CDC27: variants seen among roughly 807,000 people sequenced by gnomAD.
CDC27 encodes the protein cell division cycle 27.
CDC27 carries 27 observed loss-of-function variants against 109.7 expected under a neutral mutation model. That is an observed-to-expected ratio of 0.25 (90% CI 0.18 to 0.34). CDC27 has a LOEUF of 0.34. Among genes scored for constraint, CDC27 ranks in the 10% least tolerant of loss-of-function variants. CDC27 has a pLI of 1.00. For synonymous variants in CDC27, 266 were observed against 333.9 expected, an observed-to-expected ratio of 0.80 and a Z score of 2.22; for missense variants, 579 against 960.2, an observed-to-expected ratio of 0.60 and a Z score of 5.25.
At chr17:47,131,659 A>T (rs989111176) in intron 15 of CDC27, among the ~76,000 whole-genome samples, 1 of 151,304 alleles carries the variant, frequency 6.6e-6, no homozygotes, top group South Asian at 2.1e-4. Flanking sequence ...TTCTCCTGTT[A>T]AAGTAAAATT....
intron 15 of CDC27, among the ~76,000 whole-genome samples, chr17:47,130,178 G>A (rs543620103): frequency 2.0e-5 from 3 of 152,160 alleles, no homozygotes; most frequent in African/African-American, 7.2e-5. Context: ...TGGCTAACAC[G>A]GTGAAACCCC....
chr17:47,177,281 T>C (rs2148988333), intron 2 of CDC27, among the ~76,000 whole-genome samples: 1 of 152,172 alleles, frequency 6.6e-6, no homozygotes, highest in Admixed American at 6.5e-5. Flanking sequence ...AAAGTACTAA[T>C]ATTAAAAAAT....
chr17:47,160,453 T>C (rs993591643), intron 4 of CDC27, among the ~76,000 whole-genome samples: 1 of 152,134 alleles, frequency 6.6e-6, no homozygotes, highest in Non-Finnish European at 1.5e-5. Context: ...TTTGAACTCC[T>C]GGACTCAAGT....
At chr17:47,151,956 G>T (rs777753298) in intron 8 of CDC27, 38 bp from the exon 9 acceptor site, 1 of 1,560,888 alleles carries the variant, frequency 6.4e-7, no homozygotes, top group Non-Finnish European at 8.7e-7. Flanking sequence ...GTGAATTATG[G>T]GCTGCACTGT....
At chr17:47,130,704 C>T (rs1380774127) in intron 15 of CDC27, among the ~76,000 whole-genome samples, 1 of 151,786 alleles carries the variant, frequency 6.6e-6, no homozygotes, top group African/African-American at 2.4e-5. Context: ...ATGAAACCCC[C>T]GTCTCTACTA....
rs533709313 is a variant in CDC27, at chr17:47,135,650, G to A, written c.1913+1502C>T. Among the ~76,000 whole-genome samples the A allele has an allele frequency of 2.2e-3, 331 of 152,200 alleles. 4 individuals are homozygous for A. Among genetic ancestry groups the A allele is most frequent in the African/African-American group, 7.4e-3 (306 of 41,556 alleles). On this transcript the variant is annotated intron_variant, in intron 14 of 18. Transcript: ENST00000066544. The stretch of plus-strand genomic sequence containing the variant: ...GCTCAGTATTTAGTTACCTAAATAC[G>A]TCAGCATTTAAACTCCTCCTAGTAA...
At position 47,142,062 on chromosome 17, in the gene CDC27, G is replaced by A. The variant is rs776528390; in HGVS notation, c.1379-37C>T. 4.9e-6 allele frequency: 7 copies of A among 1,437,540 alleles called. No individual in the cohort carries two copies. In the East Asian group the frequency reaches 7.0e-5, roughly 14 times the overall value. 89.0% of individuals were successfully genotyped at this position (1,437,540 alleles called of 1,614,324 possible). The stretch of plus-strand genomic sequence containing the variant: ...CAACATAGTAAACAAAGGAAAAAAC[G>A]CAATAAACTAGTCTGCTTCTCTAGA... On this transcript the variant is annotated intron_variant, in intron 11 of 18. Coordinates refer to ENST00000066544, the MANE Select transcript of CDC27 (RefSeq NM_001256.6).
At chr17:47,184,248 C>T (rs2064346527) in intron 1 of CDC27, among the ~76,000 whole-genome samples, 1 of 152,126 alleles carries the variant, frequency 6.6e-6, no homozygotes, top group Admixed American at 6.5e-5. Context: ...TGAAATGATC[C>T]ATTTATAATG....
At position 47,181,546 on chromosome 17, in the gene CDC27, T is replaced by G. The variant is rs1336930677; in HGVS notation, c.103+16A>C. Reference sequence around the variant, plus strand: ...TTATTCATTTATCATTCTACAGCAATGAATAGATTTCAAACCTTCTGCATA... The same window carrying G: ...TTATTCATTTATCATTCTACAGCAAGGAATAGATTTCAAACCTTCTGCATA... On this transcript the variant is annotated intron_variant, in intron 2 of 18. Transcript: ENST00000066544. The G allele has an allele frequency of 3.4e-6, 5 of 1,458,260 alleles. No homozygotes were observed. Among genetic ancestry groups the G allele is most frequent in the Non-Finnish European group, 3.8e-6 (4 of 1,041,100 alleles). The allele number at this position is 1,458,260 out of a possible 1,614,324, so 90.3% of individuals were successfully genotyped here.
intron 9 of CDC27, among the ~76,000 whole-genome samples, chr17:47,146,813 C>A (rs2062971779): frequency 6.6e-6 from 1 of 152,054 alleles, no homozygotes; most frequent in Admixed American, 6.6e-5. Context: ...ACCTGTAATC[C>A]CAACAACTCG....
chr17:47,134,264 GATA>G (rs1294051027), intron 14 of CDC27, among the ~76,000 whole-genome samples: 1 of 149,048 alleles, frequency 6.7e-6, no homozygotes. Context: ...ATCAAACTAT[GATA>G]ATAAGGAAAA....
At chr17:47,121,702 C>T (rs1264399042) in intron 18 of CDC27, among the ~76,000 whole-genome samples, 2 of 151,516 alleles carry the variant, frequency 1.3e-5, no homozygotes, top group East Asian at 1.9e-4. Context: ...TGAGTAGCTG[C>T]GATTACATAC....
chr17:47,170,327 A>C (rs2063776526), intron 3 of CDC27: 1 of 192,420 alleles, frequency 5.2e-6, no homozygotes, highest in South Asian at 1.6e-4. Flanking sequence ...CCTTGTGAGT[A>C]GCTGGGACTA....
At chr17:47,144,635 A>G (rs1356463137) in intron 9 of CDC27, among the ~76,000 whole-genome samples, 2 of 152,230 alleles carry the variant, frequency 1.3e-5, no homozygotes, top group African/African-American at 4.8e-5. Context: ...GCAAACCCTG[A>G]GATATGAGAA....
Position 47,169,916 on chromosome 17 carries a change from C to A in CDC27, c.377+1G>T. On this transcript the variant is annotated splice_donor_variant, in intron 4 of 18. Coordinates refer to ENST00000066544, the MANE Select transcript of CDC27 (RefSeq NM_001256.6). LOFTEE classifies it high-confidence loss of function. ...TGACAGTTTGAATCATTCTTACTTACCAATATACATGTCCCAACAATGAAA... is the reference window on the plus strand; with the variant it reads ...TGACAGTTTGAATCATTCTTACTTAACAATATACATGTCCCAACAATGAAA... 6.3e-7 allele frequency: 1 copy of A among 1,579,150 alleles called. No homozygotes were observed. The highest frequency in any genetic ancestry group is 8.6e-7 in the Non-Finnish European group (1 of 1,168,270).
intron 14 of CDC27, among the ~76,000 whole-genome samples, chr17:47,133,100 A>ACACAAACACAC (rs2062434582): frequency 1.3e-4 from 2 of 15,026 alleles, no homozygotes; most frequent in Non-Finnish European, 2.1e-4. Flanking sequence ...CACACACACA[A>ACACAAACACAC]ATATACATAT....
intron 7 of CDC27, 30 bp downstream of exon 7, chr17:47,156,883 G>T: frequency 1.4e-6 from 1 of 740,158 alleles, no homozygotes; most frequent in Non-Finnish European, 2.2e-6. Flanking sequence ...TGGTATTATA[G>T]CACATTTGAA....
intron 9 of CDC27, among the ~76,000 whole-genome samples, chr17:47,149,076 T>G (rs915010442): frequency 2.6e-5 from 2 of 76,066 alleles, no homozygotes; most frequent in African/African-American, 4.9e-5. Flanking sequence ...AGACTCTGTC[T>G]CAAAAAAAAA....
intron 2 of CDC27, among the ~76,000 whole-genome samples, chr17:47,177,882 A>C (rs190379445): frequency 2.9e-4 from 44 of 150,166 alleles, no homozygotes; most frequent in African/African-American, 1.1e-3. Context: ...ACACACACAT[A>C]TCTCCAAAGA....
Sources: allele counts gnomAD v4.1 joint callset (sites outside exome capture counted in the v4.1 genomes callset), GRCh38; gene constraint gnomAD v4.1.1; transcripts MANE v1.5; gene names NCBI Gene and HGNC (gene_info 2026-07-23, HGNC 2026-07-21).